Variants in NRXN1 observed in about 807,000 individuals in gnomAD.
NRXN1 encodes neurexin-1.
NRXN1 carries 39 observed loss-of-function variants against 150.9 expected under a neutral mutation model. That is an observed-to-expected ratio of 0.26 (90% CI 0.20 to 0.34). NRXN1 has a LOEUF of 0.34. NRXN1 is among the 10% of genes least tolerant of loss of function. The pLI is 1.00. For synonymous variants in NRXN1, 924 were observed against 757.0 expected (o/e 1.22, Z -3.62); for missense variants, 1,815 against 1,949.9 (o/e 0.93, Z 1.30).
At chr2:50,766,847 A>G (rs1482922743) in intron 5 of NRXN1, among the ~76,000 whole-genome samples, 1 of 152,102 alleles carries the variant, frequency 6.6e-6, no homozygotes, top group Non-Finnish European at 1.5e-5. Context: ...AAAGCAATTT[A>G]GTAATTAGTG....
chr2:50,240,842 T>C (rs193117291), intron 17 of NRXN1, among the ~76,000 whole-genome samples: 2 of 151,870 alleles, frequency 1.3e-5, no homozygotes, highest in African/African-American at 4.8e-5. Flanking sequence ...GATAAATGCC[T>C]AATAAATTTT....
intron 17 of NRXN1, among the ~76,000 whole-genome samples, chr2:50,455,322 G>A (rs547657936): frequency 6.6e-6 from 1 of 152,234 alleles, no homozygotes; most frequent in South Asian, 2.1e-4. Context: ...GCTTTACATG[G>A]CCATAGCTTT....
At chr2:49,927,968 T>C (rs1022967937) in intron 22 of NRXN1, among the ~76,000 whole-genome samples, 1 of 152,180 alleles carries the variant, frequency 6.6e-6, no homozygotes, top group Admixed American at 6.5e-5. Context: ...ACTGTTAATG[T>C]ATGTGTATGT....
chr2:50,151,485 G>C (rs764273938), intron 18 of NRXN1, among the ~76,000 whole-genome samples: 1 of 151,622 alleles, frequency 6.6e-6, no homozygotes, highest in Non-Finnish European at 1.5e-5. Context: ...TTTTCATAGA[G>C]TGTTTAATAT....
intron 5 of NRXN1, among the ~76,000 whole-genome samples, chr2:50,889,640 T>C (rs1054749047): frequency 1.3e-5 from 2 of 151,768 alleles, no homozygotes; most frequent in Non-Finnish European, 3.0e-5. Flanking sequence ...AGGTTATTTA[T>C]GTAGTAGAGC....
chr2:50,868,500 C>A (rs997851468), intron 5 of NRXN1, among the ~76,000 whole-genome samples: 4 of 151,450 alleles, frequency 2.6e-5, no homozygotes, highest in Non-Finnish European at 5.9e-5. Context: ...CCAGACTCCA[C>A]CACTATGCAA....
intron 22 of NRXN1, among the ~76,000 whole-genome samples, chr2:49,930,440 T>C (rs1306445370): frequency 6.6e-6 from 1 of 152,104 alleles, no homozygotes; most frequent in Non-Finnish European, 1.5e-5. Context: ...TGGAGAAAAC[T>C]ACACACAAGC....
chr2:50,459,531 T>A, intron 17 of NRXN1, among the ~76,000 whole-genome samples: 1 of 152,144 alleles, frequency 6.6e-6, no homozygotes, highest in East Asian at 1.9e-4. Flanking sequence ...TCACGTAGTT[T>A]AGCTCCCACT....
intron 17 of NRXN1, among the ~76,000 whole-genome samples, chr2:50,312,066 A>C (rs1217337166): frequency 2.0e-5 from 3 of 152,102 alleles, no homozygotes; most frequent in Non-Finnish European, 4.4e-5. Flanking sequence ...GTTAGTGTTA[A>C]CCACTGTATT....
In NRXN1 at chr2:50,925,739, A is replaced by G. The variant is rs1686765984; in HGVS notation, c.790+199T>C. 2.0e-5 allele frequency among the ~76,000 whole-genome samples: 3 copies of G among 151,904 alleles called. No individual in the cohort carries two copies. In the South Asian group the frequency reaches 6.2e-4, roughly 31 times the overall value. ...CTGAGGTCTAACAAGGGTTGGAGTT[A>G]AGCTTGAAAAAGTTTCATATACTTG... is the stretch of plus-strand genomic sequence containing the variant. On this transcript the variant is annotated intron_variant, in intron 3 of 22. Transcript: ENST00000401669.
At chr2:50,554,262 G>A (rs2105352657) in intron 8 of NRXN1, among the ~76,000 whole-genome samples, 1 of 152,274 alleles carries the variant, frequency 6.6e-6, no homozygotes, top group Admixed American at 6.5e-5. Flanking sequence ...AAGACAGCCT[G>A]TATCTGATTA....
At chr2:50,865,255 G>A (rs1676715518) in intron 5 of NRXN1, among the ~76,000 whole-genome samples, 3 of 152,000 alleles carry the variant, frequency 2.0e-5, no homozygotes, top group Middle Eastern at 3.4e-3. Flanking sequence ...AAAGGGAAAG[G>A]AAGCTCTTAG....
At chr2:50,481,607 A>G (rs1407383927) in intron 15 of NRXN1, among the ~76,000 whole-genome samples, 1 of 152,172 alleles carries the variant, frequency 6.6e-6, no homozygotes, top group Non-Finnish European at 1.5e-5. Context: ...AGTACAAACC[A>G]GCACTTACGT....
intron 5 of NRXN1, among the ~76,000 whole-genome samples, chr2:50,890,113 G>A (rs1680831762): frequency 6.6e-6 from 1 of 151,692 alleles, no homozygotes; most frequent in Non-Finnish European, 1.5e-5. Flanking sequence ...TATGCACTGG[G>A]CAGAGTTCTC....
chr2:51,011,059 C>A (rs1448197465), intron 2 of NRXN1, among the ~76,000 whole-genome samples: 4 of 151,960 alleles, frequency 2.6e-5, no homozygotes, highest in Non-Finnish European at 4.4e-5. Flanking sequence ...CAGGAATGAG[C>A]CACCCTGCCC....
At chr2:50,130,320 C>T (rs1422007367) in intron 18 of NRXN1, among the ~76,000 whole-genome samples, 1 of 152,028 alleles carries the variant, frequency 6.6e-6, no homozygotes, top group East Asian at 1.9e-4. Context: ...GACAAACAAG[C>T]AGGGGGCAGC....
At chr2:50,942,838 G>C (rs1689684231) in intron 2 of NRXN1, among the ~76,000 whole-genome samples, 1 of 152,172 alleles carries the variant, frequency 6.6e-6, no homozygotes, top group South Asian at 2.1e-4. Flanking sequence ...GGTCTTGGGG[G>C]ACTGTTGGGA....
chr2:50,235,462 A>G (rs1012264960), intron 18 of NRXN1, among the ~76,000 whole-genome samples: 21 of 152,118 alleles, frequency 1.4e-4, no homozygotes, highest in Non-Finnish European at 2.9e-5. Context: ...AAGCTTATCA[A>G]TGAATTCAGC....
At chr2:50,190,814 T>C (rs2061397186) in intron 18 of NRXN1, among the ~76,000 whole-genome samples, 1 of 151,604 alleles carries the variant, frequency 6.6e-6, no homozygotes, top group African/African-American at 2.4e-5. Flanking sequence ...GTTTTTTCCA[T>C]GTTGGTCAGG....
Sources: gnomAD v4.1 joint callset for allele counts (sites outside exome capture counted in the v4.1 genomes callset) on GRCh38, gnomAD v4.1.1 for gene constraint, MANE v1.5 for transcripts, NCBI Gene and HGNC (gene_info 2026-07-23, HGNC 2026-07-21) for gene names.